PPM1E: variants seen among roughly 807,000 people sequenced by gnomAD.
The protein encoded by PPM1E is protein phosphatase, Mg2+/Mn2+ dependent 1E, also known as protein phosphatase 1E.
A neutral mutation model predicts 65.9 loss-of-function variants in PPM1E; 20 were observed. The observed-to-expected ratio is 0.30, with a 90% CI of 0.21 to 0.44. PPM1E has a LOEUF of 0.44. Ranked by LOEUF, PPM1E falls within the 20% of genes least tolerant of loss-of-function variation. PPM1E has a pLI of 1.00. For missense variants in PPM1E, 713 were observed against 953.1 expected (o/e 0.75, Z 3.32); for synonymous variants, 352 against 374.9 (o/e 0.94, Z 0.70).
At chr17:58,902,401 T>C (rs1174258670) in intron 1 of PPM1E, among the ~76,000 whole-genome samples, 1 of 152,198 alleles carries the variant, frequency 6.6e-6, no homozygotes, top group East Asian at 1.9e-4. Context: ...CTAAACCAGC[T>C]ATGCTGCATT....
At chr17:58,758,079 T>A (rs758337453) in intron 1 of PPM1E, among the ~76,000 whole-genome samples, 2 of 152,234 alleles carry the variant, frequency 1.3e-5, no homozygotes, top group Non-Finnish European at 1.5e-5. Flanking sequence ...AGTTAATTCT[T>A]ACCTTTACAA....
intron 1 of PPM1E, among the ~76,000 whole-genome samples, chr17:58,855,188 T>C (rs2050869030): frequency 1.3e-5 from 2 of 152,192 alleles, no homozygotes; most frequent in South Asian, 4.1e-4. Context: ...CATGTGGAAC[T>C]ACACCAGAAC....
chr17:58,955,016 G>A (rs528551059), intron 1 of PPM1E, among the ~76,000 whole-genome samples: 15 of 151,672 alleles, frequency 9.9e-5, no homozygotes, highest in South Asian at 2.1e-4. Flanking sequence ...TTCTATCTAA[G>A]TTCATACCCC....
At chr17:58,786,583 C>T (rs1412794183) in intron 1 of PPM1E, among the ~76,000 whole-genome samples, 3 of 152,092 alleles carry the variant, frequency 2.0e-5, no homozygotes, top group African/African-American at 7.2e-5. Flanking sequence ...AAGATTTCAT[C>T]GGGCTGCTAC....
chr17:58,939,584 A>G (rs950890658), intron 1 of PPM1E, among the ~76,000 whole-genome samples: 2 of 152,212 alleles, frequency 1.3e-5, no homozygotes, highest in Non-Finnish European at 2.9e-5. Flanking sequence ...AATAGCCTTA[A>G]TGAAGTGGAA....
At chr17:58,887,599 G>A (rs923961986) in intron 1 of PPM1E, among the ~76,000 whole-genome samples, 2 of 152,218 alleles carry the variant, frequency 1.3e-5, no homozygotes, top group Admixed American at 1.3e-4. Flanking sequence ...TGCTCAGCAG[G>A]TTTGAGGAAT....
chr17:58,854,035 TA>T (rs2050856161), intron 1 of PPM1E, among the ~76,000 whole-genome samples: 1 of 152,214 alleles, frequency 6.6e-6, no homozygotes, highest in Non-Finnish European at 1.5e-5. Context: ...TGAACAATAT[TA>T]ACCCCTTCAG....
At chr17:58,932,485 C>G (rs752250052) in intron 1 of PPM1E, among the ~76,000 whole-genome samples, 1 of 152,052 alleles carries the variant, frequency 6.6e-6, no homozygotes, top group Non-Finnish European at 1.5e-5. Flanking sequence ...AAACAAACCA[C>G]TAGCAGGAGG....
chr17:58,756,518 G>C, intron 1 of PPM1E, 57 bp downstream of exon 1: 4 of 1,259,430 alleles, frequency 3.2e-6, no homozygotes, highest in Non-Finnish European at 4.0e-6. Flanking sequence ...CGCCGGCCTC[G>C]GACGCGGCTC....
At chr17:58,920,305 A>C (rs1262891707) in intron 1 of PPM1E, among the ~76,000 whole-genome samples, 1 of 152,210 alleles carries the variant, frequency 6.6e-6, no homozygotes, top group African/African-American at 2.4e-5. Flanking sequence ...ATGCTCAGAT[A>C]TCTCTGTTTC....
intron 1 of PPM1E, among the ~76,000 whole-genome samples, chr17:58,914,428 A>G (rs1327322726): frequency 1.3e-5 from 2 of 152,152 alleles, no homozygotes; most frequent in African/African-American, 4.8e-5. Flanking sequence ...TTCTATGAGC[A>G]TAACAGTCTT....
At chr17:58,766,568 G>GT (rs888154994) in intron 1 of PPM1E, among the ~76,000 whole-genome samples, 6 of 150,516 alleles carry the variant, frequency 4.0e-5, no homozygotes, top group Non-Finnish European at 8.8e-5. Context: ...TAGTAAGCCT[G>GT]TTTTTTTGAG....
chr17:58,945,441 C>T (rs373088601), intron 1 of PPM1E, among the ~76,000 whole-genome samples: 28 of 152,248 alleles, frequency 1.8e-4, no homozygotes, highest in Non-Finnish European at 3.8e-4. Context: ...CCTTGCCCAG[C>T]CTCACACACT....
chr17:58,966,335 A>G (rs938153740), intron 3 of PPM1E: 4 of 360,724 alleles, frequency 1.1e-5, no homozygotes, highest in South Asian at 2.2e-5. Flanking sequence ...GGTGACAGAC[A>G]TAGTGAGACT....
intron 1 of PPM1E, among the ~76,000 whole-genome samples, chr17:58,927,192 T>A (rs906641862): frequency 6.7e-6 from 1 of 149,594 alleles, no homozygotes; most frequent in Non-Finnish European, 1.5e-5. Context: ...AGTGGCTCGG[T>A]CTCGGCTCAC....
intron 1 of PPM1E, among the ~76,000 whole-genome samples, chr17:58,817,191 C>T (rs2050435213): frequency 6.6e-6 from 1 of 152,108 alleles, no homozygotes; most frequent in South Asian, 2.1e-4. Flanking sequence ...TGGACATTTT[C>T]ACCTTTTTGA....
intron 1 of PPM1E, among the ~76,000 whole-genome samples, chr17:58,936,298 T>A (rs532013664): frequency 6.6e-6 from 1 of 152,136 alleles, no homozygotes; most frequent in Non-Finnish European, 1.5e-5. Flanking sequence ...TATTCTAGAT[T>A]TAGAATACCT....
At chr17:58,774,168 C>T (rs1043036020) in intron 1 of PPM1E, among the ~76,000 whole-genome samples, 3 of 151,098 alleles carry the variant, frequency 2.0e-5, no homozygotes, top group Admixed American at 6.6e-5. Context: ...GTCCCCCCCC[C>T]CCAAAAAAAA....
intron 1 of PPM1E, among the ~76,000 whole-genome samples, chr17:58,757,087 C>T (rs2049775920): frequency 1.3e-5 from 2 of 152,190 alleles, no homozygotes; most frequent in South Asian, 2.1e-4. Context: ...TGTTTTCACA[C>T]AGGGAAGCCT....
Sources: gnomAD v4.1 joint callset for allele counts (sites outside exome capture counted in the v4.1 genomes callset) on GRCh38, gnomAD v4.1.1 for gene constraint, MANE v1.5 for transcripts, NCBI Gene and HGNC (gene_info 2026-07-23, HGNC 2026-07-21) for gene names.